Variants in KCNH5 observed in about 807,000 individuals in gnomAD.
KCNH5 encodes potassium voltage-gated channel subfamily H member 5, also known as voltage-gated delayed rectifier potassium channel KCNH5.
In KCNH5, 46 loss-of-function variants were observed where a neutral mutation model predicts 96.1. The ratio of observed to expected loss-of-function variants is 0.48; its 90% CI spans 0.38 to 0.61. The LOEUF is 0.61. Ranked by LOEUF, KCNH5 falls within the 20% of genes least tolerant of loss-of-function variation. The pLI is 0.00. For synonymous variants in KCNH5, 439 were observed against 449.8 expected (o/e 0.98, Z 0.30); for missense variants, 907 against 1,225.8 (o/e 0.74, Z 3.88).
At chr14:63,012,170 T>C (rs1238648020) in intron 2 of KCNH5, among the ~76,000 whole-genome samples, 1 of 152,218 alleles carries the variant, frequency 6.6e-6, no homozygotes, top group African/African-American at 2.4e-5. Flanking sequence ...GATAAGATCA[T>C]ATGCTTTTAA....
intron 6 of KCNH5, among the ~76,000 whole-genome samples, chr14:62,953,187 T>G (rs2140132643): frequency 6.6e-6 from 1 of 151,784 alleles, no homozygotes; most frequent in East Asian, 1.9e-4. Context: ...TAGTAATATA[T>G]ACACATATAT....
At chr14:62,943,600 A>T (rs556112498) in intron 7 of KCNH5, among the ~76,000 whole-genome samples, 5 of 152,304 alleles carry the variant, frequency 3.3e-5, no homozygotes, top group African/African-American at 1.2e-4. Flanking sequence ...ACGTATGTAC[A>T]TACATACTAT....
At chr14:62,793,685 T>C (rs942193802) in intron 9 of KCNH5, among the ~76,000 whole-genome samples, 1 of 151,766 alleles carries the variant, frequency 6.6e-6, no homozygotes, top group Non-Finnish European at 1.5e-5. Context: ...AAAATTTTTT[T>C]AAGTTTTTTG....
chr14:62,830,617 A>C (rs1887325289), intron 8 of KCNH5, among the ~76,000 whole-genome samples: 1 of 151,164 alleles, frequency 6.6e-6, no homozygotes. Context: ...ATGAGAGAAC[A>C]GCATGGAGGA....
chr14:62,879,115 C>G (rs1888441907), intron 7 of KCNH5, among the ~76,000 whole-genome samples: 1 of 151,986 alleles, frequency 6.6e-6, no homozygotes, highest in Admixed American at 6.6e-5. Flanking sequence ...AAACAATTAT[C>G]AAAATCATTA....
At chr14:62,825,424 T>C (rs1887202315) in intron 8 of KCNH5, among the ~76,000 whole-genome samples, 1 of 152,064 alleles carries the variant, frequency 6.6e-6, no homozygotes, top group Non-Finnish European at 1.5e-5. Context: ...TTTGACCACT[T>C]GTATGCCTTC....
Position 62,703,173 on chromosome 14 carries a change from T to C in KCNH5, c.*4335A>G, listed in dbSNP as rs1170797920. 2 of 151,940 alleles carry C rather than the reference T, an allele frequency of 1.3e-5. No homozygotes were observed. 9.4% of individuals were successfully genotyped at this position (151,940 alleles called of 1,614,324 possible). A position where few individuals can be genotyped will look rare whatever the true frequency, so the allele number is the denominator to read the frequency against. ...ATTCTTTCCACGTTTATTTGATTTG[T>C]AGTTCTAAATTCCCACATAAGTATG... is the stretch of plus-strand genomic sequence containing the variant. On this transcript the variant is annotated 3_prime_UTR_variant, in exon 11 of 11. Coordinates refer to ENST00000322893, the MANE Select transcript of KCNH5 (RefSeq NM_139318.5).
rs948660215 is a variant in KCNH5, at chr14:62,727,971, C to T, written c.2020-19516G>A. ...TGCACTGACTGATATGCATAGCACA[C>T]GAGATACTCCAGAGCAGTCAGCCTG... On this transcript the variant is annotated intron_variant, in intron 10 of 10. Transcript: ENST00000322893. 8.0e-5 allele frequency among the ~76,000 whole-genome samples: 12 copies of T among 149,284 alleles called. No individual in the cohort carries two copies. In the South Asian group the frequency reaches 1.3e-3, roughly 16 times the overall value.
intron 6 of KCNH5, among the ~76,000 whole-genome samples, chr14:62,953,912 C>T (rs898064045): frequency 6.6e-6 from 1 of 152,114 alleles, no homozygotes; most frequent in Non-Finnish European, 1.5e-5. Context: ...ACTGTCTAAC[C>T]ATGTCCCTCT....
rs377008686 is a variant in KCNH5 at position 62,779,812 on chromosome 14, G to C, written c.1935C>G (p.Ala645=). The change falls in exon 10 of 11, where the codon GCC becomes GCG. Residue 645 remains alanine, a synonymous_variant. Transcript: ENST00000322893. ...YCDLHIIKRE[A]LLKVLDFYTA... ...TATAAAAGTCCAGGACTTTGAGCAA[G>C]GCTTCCCGCTTGATGATGTGTAGGT... The C allele has an allele frequency of 1.4e-5, 22 of 1,614,018 alleles. No homozygotes were observed. The highest frequency in any genetic ancestry group is 6.7e-5 in the East Asian group (3 of 44,876).
rs143830214 is a variant in KCNH5, at chr14:63,010,109, T to G, written c.198-3637A>C. Among the ~76,000 whole-genome samples the G allele has an allele frequency of 5.6e-4, 85 of 152,264 alleles. No homozygotes were observed. The East Asian group carries it at 0.015, about 28-fold the overall frequency. ...TTATTGAAAGGAAAATAGAATTGGATTCACAGAAGCAATCTATCTCTGTTA... is the reference window on the plus strand; with the variant it reads ...TTATTGAAAGGAAAATAGAATTGGAGTCACAGAAGCAATCTATCTCTGTTA... On this transcript the variant is annotated intron_variant, in intron 2 of 10. Transcript: ENST00000322893.
intron 2 of KCNH5, among the ~76,000 whole-genome samples, chr14:63,014,138 C>T (rs1891280780): frequency 6.6e-6 from 1 of 152,094 alleles, no homozygotes; most frequent in African/African-American, 2.4e-5. Flanking sequence ...CATTTGAAAA[C>T]ACTGTCTCTG....
At chr14:62,839,589 C>T (rs1190225737) in intron 8 of KCNH5, among the ~76,000 whole-genome samples, 5 of 151,930 alleles carry the variant, frequency 3.3e-5, no homozygotes, top group Non-Finnish European at 7.4e-5. Flanking sequence ...CCAATATGTT[C>T]CTGGATCAAT....
At position 62,705,427 on chromosome 14, in the gene KCNH5, C is replaced by T. The variant is rs1366958372; in HGVS notation, c.*2081G>A. The stretch of plus-strand genomic sequence containing the variant: ...GAAATTCAATAAATGTCAGAGGTCA[C>T]GAAAAAGATATCATCCTCACCATGA... On this transcript the variant is annotated 3_prime_UTR_variant, in exon 11 of 11. Coordinates refer to ENST00000322893, the MANE Select transcript of KCNH5 (RefSeq NM_139318.5). 4 of 151,880 alleles carry T rather than the reference C, an allele frequency of 2.6e-5. 1 individual carries two copies. Among genetic ancestry groups the T allele is most frequent in the South Asian group, 4.1e-4 (2 of 4,822 alleles). The allele number at this position is 151,880 out of a possible 1,614,324, so 9.4% of individuals were successfully genotyped here.
chr14:63,009,659 T>A (rs1186585995), intron 2 of KCNH5, among the ~76,000 whole-genome samples: 1 of 152,162 alleles, frequency 6.6e-6, no homozygotes, highest in African/African-American at 2.4e-5. Flanking sequence ...CCAAGGCAAG[T>A]GTTCTGGAGG....
At position 63,044,996 on chromosome 14, in the gene KCNH5, A is replaced by G; in HGVS notation, c.73+118T>C. The G allele has an allele frequency of 6.1e-6, 5 of 818,268 alleles. 1 individual carries two copies. The highest frequency in any genetic ancestry group is 6.1e-5 in the South Asian group (4 of 66,110). The allele number at this position is 818,268 out of a possible 1,614,324, so 50.7% of individuals were successfully genotyped here. A position where few individuals can be genotyped will look rare whatever the true frequency, so the allele number is the denominator to read the frequency against. On this transcript the variant is annotated intron_variant, in intron 1 of 10. Coordinates refer to ENST00000322893, the MANE Select transcript of KCNH5 (RefSeq NM_139318.5). ...TCCAGCCCAACTGGTAAATGAAACCACCAGGTAAGGCTGCCTGCATCCTCC... is the reference window on the plus strand; with the variant it reads ...TCCAGCCCAACTGGTAAATGAAACCGCCAGGTAAGGCTGCCTGCATCCTCC...
At chr14:62,796,218 G>C (rs2015340) in intron 9 of KCNH5, among the ~76,000 whole-genome samples, 62,932 of 151,982 alleles carry the variant, frequency 0.41, 14,304 homozygotes, top group South Asian at 0.69. Flanking sequence ...GGTTGAAGCT[G>C]ATGATAGATT....
At chr14:62,723,115 G>C (rs895693156) in intron 10 of KCNH5, among the ~76,000 whole-genome samples, 19 of 151,792 alleles carry the variant, frequency 1.3e-4, no homozygotes. Flanking sequence ...ACCAACCTAG[G>C]GTAGATACAA....
intron 8 of KCNH5, among the ~76,000 whole-genome samples, chr14:62,823,614 A>G (rs1887158431): frequency 6.6e-6 from 1 of 152,138 alleles, no homozygotes; most frequent in South Asian, 2.1e-4. Flanking sequence ...AAAGGCCAGC[A>G]GAAATTCCTA....
Sources: gnomAD v4.1 joint callset for allele counts (sites outside exome capture counted in the v4.1 genomes callset) on GRCh38, gnomAD v4.1.1 for gene constraint, MANE v1.5 for transcripts, NCBI Gene and HGNC (gene_info 2026-07-23, HGNC 2026-07-21) for gene names.